The following PSME4 variants were observed in gnomAD, a reference collection of about 807,000 sequenced individuals.
PSME4 encodes proteasome activator complex subunit 4.
A neutral mutation model predicts 253.9 loss-of-function variants in PSME4; 89 were observed. The ratio of observed to expected loss-of-function variants is 0.35; its 90% CI spans 0.30 to 0.42. The LOEUF is 0.42. Ranked by LOEUF, PSME4 falls within the 10% of genes least tolerant of loss-of-function variation. The probability of loss-of-function intolerance (pLI) is 1.00; values close to 1 mark genes in which losing one functional copy is unlikely to be tolerated. For synonymous variants in PSME4, 851 were observed against 759.2 expected (o/e 1.12, Z -1.99); for missense variants, 2,014 against 2,195.2 (o/e 0.92, Z 1.65).
At chr2:53,961,022 G>A (rs911652653) in intron 1 of PSME4, among the ~76,000 whole-genome samples, 4 of 151,956 alleles carry the variant, frequency 2.6e-5, no homozygotes, top group African/African-American at 9.7e-5. Context: ...CAGGAGAATC[G>A]CTTGAACCTG....
At position 53,895,570 on chromosome 2, in the gene PSME4, G is replaced by A; in HGVS notation, c.3842+13C>T. The A allele has an allele frequency of 6.2e-7, 1 of 1,601,424 alleles. No homozygotes were observed. The highest frequency in any genetic ancestry group is 8.5e-7 in the Non-Finnish European group (1 of 1,175,212). ...AAGGCATTTAATGATAAGGTGCACA[G>A]TAAGTTACTTACTTTGGCCAGGTGT... On this transcript the variant is annotated intron_variant, in intron 33 of 46. Transcript: ENST00000404125.
At chr2:53,954,404 C>T (rs1489238918) in intron 1 of PSME4, among the ~76,000 whole-genome samples, 1 of 152,084 alleles carries the variant, frequency 6.6e-6, no homozygotes, top group African/African-American at 2.4e-5. Context: ...TTTTGGAAGG[C>T]AGAAGCAGGA....
chr2:53,867,028 C>T (rs1573175783), intron 44 of PSME4, 148 bp from the exon 45 acceptor site: 2 of 771,888 alleles, frequency 2.6e-6, no homozygotes, highest in East Asian at 2.8e-5. Flanking sequence ...ACATCAAATA[C>T]TTGATTTTGA....
chr2:53,919,924 C>T (rs1487915444), intron 19 of PSME4, among the ~76,000 whole-genome samples: 2 of 152,064 alleles, frequency 1.3e-5, no homozygotes, highest in Non-Finnish European at 2.9e-5. Context: ...GGCATATCTA[C>T]ACACACCTTC....
At position 53,875,769 on chromosome 2, in the gene PSME4, T is replaced by TA. The variant is rs1357387859; in HGVS notation, c.4816-15dup. ...CACTGGGGCAATCTAAAAAACAATG[T>TA]AAAAAGGACAAAAATGGAAAAATAA... On this transcript the variant is annotated splice_polypyrimidine_tract_variant and intron_variant, in intron 41 of 46. Transcript: ENST00000404125. 1 of 1,606,410 alleles carries TA rather than the reference T, an allele frequency of 6.2e-7. No individual in the cohort carries two copies. The highest frequency in any genetic ancestry group is 8.5e-7 in the Non-Finnish European group (1 of 1,176,664).
intron 1 of PSME4, among the ~76,000 whole-genome samples, chr2:53,952,441 C>T (rs187532485): frequency 1.5e-3 from 233 of 152,266 alleles, no homozygotes; most frequent in African/African-American, 5.4e-3. Context: ...ACTCGGGAGG[C>T]TGAGGCAGGA....
rs535758333 is a variant in PSME4 at position 53,895,832 on chromosome 2, C to T, written c.3689-96G>A. 8.6e-5 allele frequency: 91 copies of T among 1,062,356 alleles called. No homozygotes were observed. In the African/African-American group the frequency reaches 1.4e-3, roughly 16 times the overall value. The allele number at this position is 1,062,356 out of a possible 1,614,324, so 65.8% of individuals were successfully genotyped here. A position where few individuals can be genotyped will look rare whatever the true frequency, so the allele number is the denominator to read the frequency against. Reference sequence around the variant, plus strand: ...AACAGTACCAGCATAACTTTGTCTTCACAAAACAACACTACAAAAATAACA... The same window carrying T: ...AACAGTACCAGCATAACTTTGTCTTTACAAAACAACACTACAAAAATAACA... On this transcript the variant is annotated intron_variant, in intron 32 of 46. Transcript: ENST00000404125.
chr2:53,906,875 A>C lies in PSME4; in HGVS notation c.2785-7T>G. 1.2e-6 allele frequency: 2 copies of C among 1,612,486 alleles called. No individual in the cohort carries two copies. The highest frequency in any genetic ancestry group is 1.7e-6 in the Non-Finnish European group (2 of 1,179,112). The stretch of plus-strand genomic sequence containing the variant: ...GTTGTTTTTTCCCATGGAGCTGGAA[A>C]ACAAAGTAGCAACAAATACTTCAAC... On this transcript the variant is annotated splice_region_variant and splice_polypyrimidine_tract_variant and intron_variant, in intron 24 of 46. Coordinates refer to ENST00000404125, the MANE Select transcript of PSME4 (RefSeq NM_014614.3).
rs935886009 is a variant in PSME4 at position 53,889,277 on chromosome 2, A to G, written c.4297-465T>C. ...AGGATACCAAAATCCACAGATGTTCAAGTCTGTTATGAAAATGGTGTAGTA... is the reference window on the plus strand; with the variant it reads ...AGGATACCAAAATCCACAGATGTTCGAGTCTGTTATGAAAATGGTGTAGTA... On this transcript the variant is annotated intron_variant, in intron 37 of 46. Transcript: ENST00000404125. Among the ~76,000 whole-genome samples the G allele has an allele frequency of 2.0e-5, 3 of 152,200 alleles. No homozygotes were observed. The East Asian group carries it at 5.8e-4, about 29-fold the overall frequency.
At chr2:53,912,911 T>G (rs1020923630) in intron 20 of PSME4, among the ~76,000 whole-genome samples, 3 of 152,198 alleles carry the variant, frequency 2.0e-5, no homozygotes. Context: ...TCTGGTAGCT[T>G]TTAGCTATGC....
chr2:53,879,432 T>C (rs957589593), intron 41 of PSME4, among the ~76,000 whole-genome samples: 4 of 152,206 alleles, frequency 2.6e-5, no homozygotes, highest in African/African-American at 9.7e-5. Context: ...TGAAACTCAC[T>C]GTTTATCTGG....
At chr2:53,922,923 T>A in intron 16 of PSME4, 126 bp downstream of exon 16, 1 of 802,070 alleles carries the variant, frequency 1.2e-6, no homozygotes, top group Non-Finnish European at 1.9e-6. Context: ...GGAGACAAAT[T>A]TTCCCCAAAT....
chr2:53,868,893 T>C (rs1678734645), intron 44 of PSME4, among the ~76,000 whole-genome samples: 2 of 152,060 alleles, frequency 1.3e-5, no homozygotes, highest in African/African-American at 4.8e-5. Context: ...CTCGTGTTTA[T>C]CTTGTGTCTA....
chr2:53,949,702 T>G (rs1297555717), intron 1 of PSME4, among the ~76,000 whole-genome samples: 1 of 152,124 alleles, frequency 6.6e-6, no homozygotes, highest in African/African-American at 2.4e-5. Flanking sequence ...AAACAGAAAG[T>G]AGAATACTTG....
At position 53,896,890 on chromosome 2, in the gene PSME4, A is replaced by G; in HGVS notation, c.3607-5T>C. 6.2e-7 allele frequency: 1 copy of G among 1,600,452 alleles called. No individual in the cohort carries two copies. The highest frequency in any genetic ancestry group is 8.6e-7 in the Non-Finnish European group (1 of 1,167,828). On this transcript the variant is annotated splice_region_variant and splice_polypyrimidine_tract_variant and intron_variant, in intron 31 of 46. Coordinates refer to ENST00000404125, the MANE Select transcript of PSME4 (RefSeq NM_014614.3). ...AGCAACAGCTGAGATAGCCATCTAG[A>G]AAAGGAAAAAGGTACACATTCATAA...
chr2:53,944,322 C>T (rs370024807), intron 3 of PSME4, among the ~76,000 whole-genome samples: 8 of 152,060 alleles, frequency 5.3e-5, no homozygotes, highest in African/African-American at 1.7e-4. Flanking sequence ...TCACACCAGG[C>T]TAATTTTTGT....
intron 4 of PSME4, among the ~76,000 whole-genome samples, chr2:53,939,574 GA>G (rs1669286483): frequency 6.6e-6 from 1 of 151,842 alleles, no homozygotes; most frequent in African/African-American, 2.4e-5. Context: ...AAAAAATATT[GA>G]AATAAAAAGA....
chr2:53,878,417 T>C (rs1679231751), intron 41 of PSME4, among the ~76,000 whole-genome samples: 1 of 152,152 alleles, frequency 6.6e-6, no homozygotes, highest in Non-Finnish European at 1.5e-5. Context: ...CAATATGAAA[T>C]CTGGGCACCT....
At chr2:53,891,271 T>G (rs960817987) in intron 36 of PSME4, among the ~76,000 whole-genome samples, 3 of 152,160 alleles carry the variant, frequency 2.0e-5, no homozygotes, top group Non-Finnish European at 4.4e-5. Flanking sequence ...GAGACTGCAT[T>G]TACACACATA....
Sources: gnomAD v4.1 joint callset for allele counts (sites outside exome capture counted in the v4.1 genomes callset) on GRCh38, gnomAD v4.1.1 for gene constraint, MANE v1.5 for transcripts, NCBI Gene and HGNC (gene_info 2026-07-23, HGNC 2026-07-21) for gene names.